The following CCDC18 variants were observed in gnomAD, a reference collection of about 807,000 sequenced individuals.
CCDC18 encodes the protein coiled-coil domain containing 18.
A neutral mutation model predicts 196.0 loss-of-function variants in CCDC18; 157 were observed. The observed-to-expected ratio is 0.80, with a 90% CI of 0.70 to 0.91. The LOEUF (loss-of-function observed/expected upper bound fraction) is 0.91, where lower values mean the gene tolerates loss of function less well. Ranked by LOEUF, CCDC18 falls within the 40% of genes least tolerant of loss-of-function variation. The pLI is 0.00. For synonymous variants in CCDC18, 482 were observed against 529.2 expected (o/e 0.91, Z 1.22); for missense variants, 1,465 against 1,611.6 (o/e 0.91, Z 1.56).
intron 14 of CCDC18, among the ~76,000 whole-genome samples, chr1:93,219,830 T>C (rs1657115389): frequency 6.6e-6 from 1 of 152,168 alleles, no homozygotes. Context: ...TGAATGTAGA[T>C]TAATAGATAT....
chr1:93,190,456 C>T (rs897673801), intron 4 of CCDC18, among the ~76,000 whole-genome samples: 53 of 152,170 alleles, frequency 3.5e-4, no homozygotes, highest in Non-Finnish European at 8.8e-5. Flanking sequence ...CACTGCACTC[C>T]AGCCTGGTGA....
chr1:93,234,341 T>A (rs1659711231), intron 18 of CCDC18, among the ~76,000 whole-genome samples: 1 of 152,042 alleles, frequency 6.6e-6, no homozygotes, highest in Non-Finnish European at 1.5e-5. Flanking sequence ...TTTGTTTTTT[T>A]AGTAGAGGCG....
intron 18 of CCDC18, among the ~76,000 whole-genome samples, chr1:93,235,167 G>T (rs1042342470): frequency 1.3e-5 from 2 of 151,708 alleles, no homozygotes; most frequent in African/African-American, 4.8e-5. Context: ...CTTCAGTGAG[G>T]GATTTTAGAA....
intron 21 of CCDC18, among the ~76,000 whole-genome samples, chr1:93,243,533 G>C (rs1406369701): frequency 6.6e-6 from 1 of 152,212 alleles, no homozygotes; most frequent in East Asian, 1.9e-4. Context: ...TTGTCTTGGG[G>C]ATTAACATTT....
At chr1:93,190,428 A>G (rs1651550975) in intron 4 of CCDC18, among the ~76,000 whole-genome samples, 1 of 152,218 alleles carries the variant, frequency 6.6e-6, no homozygotes, top group Non-Finnish European at 1.5e-5. Flanking sequence ...CGGAGGTTGC[A>G]GTGAGCCGAG....
intron 19 of CCDC18, among the ~76,000 whole-genome samples, chr1:93,236,846 TA>T (rs890878755): frequency 2.0e-5 from 3 of 152,106 alleles, no homozygotes; most frequent in Non-Finnish European, 4.4e-5. Flanking sequence ...CAAGAGCTTG[TA>T]AAAAAACATA....
intron 8 of CCDC18, among the ~76,000 whole-genome samples, chr1:93,206,439 GAT>G (rs1654712089): frequency 6.6e-6 from 1 of 152,018 alleles, no homozygotes; most frequent in African/African-American, 2.4e-5. Context: ...TTTGTAATTA[GAT>G]ATGATTTCTT....
Position 93,184,059 on chromosome 1 carries a change from C to A in CCDC18, c.216C>A (p.His72Gln). ...TAATTTTGGATGTTCAGCCTAGCCA[C>A]CCTGGACTTTTGAATTATTCACCTT... is the stretch of plus-strand genomic sequence containing the variant. ...EKLILDVQPS[H>Q]PGLLNYSPYE... The change falls in exon 3 of 29, where the codon CAC becomes CAA. Residue 72 changes from histidine to glutamine, a missense_variant. Coordinates refer to ENST00000690025, the MANE Select transcript of CCDC18 (RefSeq NM_001378204.1). The A allele has an allele frequency of 6.3e-7, 1 of 1,592,036 alleles. No individual in the cohort carries two copies. The highest frequency in any genetic ancestry group is 8.6e-7 in the Non-Finnish European group (1 of 1,166,144).
Position 93,221,686 on chromosome 1 carries a change from A to C in CCDC18, c.2040A>C (p.Ile680=), listed in dbSNP as rs376156714. 6.3e-7 allele frequency: 1 copy of C among 1,594,886 alleles called. No individual in the cohort carries two copies. Among genetic ancestry groups the C allele is most frequent in the African/African-American group, 1.4e-5 (1 of 73,646 alleles). ...CTATGTCCATGTTGCAACAAGATATAATATGCAAACAACATCATCTTGAAT... is the reference window on the plus strand; with the variant it reads ...CTATGTCCATGTTGCAACAAGATATCATATGCAAACAACATCATCTTGAAT... ...EKTMSMLQQD[I]ICKQHHLESL... Residue 680 remains isoleucine, a synonymous_variant, in exon 15 of 29, where the codon ATA becomes ATC. Transcript: ENST00000690025.
Position 93,261,113 on chromosome 1 carries a change from T to C in CCDC18, c.3684+2228T>C, listed in dbSNP as rs185497498. 2.7e-3 allele frequency among the ~76,000 whole-genome samples: 415 copies of C among 152,324 alleles called. 2 individuals carry two copies. The highest frequency in any genetic ancestry group is 5.8e-3 in the Admixed American group (89 of 15,300). On this transcript the variant is annotated intron_variant, in intron 26 of 28. Transcript: ENST00000690025. ...TGTGTCTTTATAGTAGAATGATTTA[T>C]AATCCTTTGGGTATATACCCAGTAA...
intron 17 of CCDC18, among the ~76,000 whole-genome samples, chr1:93,227,109 A>G (rs1181557623): frequency 1.3e-5 from 2 of 148,424 alleles, no homozygotes; most frequent in Non-Finnish European, 3.0e-5. Flanking sequence ...TGTCTGTAGG[A>G]TTGAGAATTA....
At chr1:93,182,264 C>T (rs1649848072) in intron 1 of CCDC18, among the ~76,000 whole-genome samples, 1 of 152,226 alleles carries the variant, frequency 6.6e-6, no homozygotes, top group South Asian at 2.1e-4. Flanking sequence ...TTCCTCCCTA[C>T]ATCTGAGAAT....
chr1:93,182,197 ATC>A (rs1230252647), intron 1 of CCDC18, among the ~76,000 whole-genome samples: 2 of 152,198 alleles, frequency 1.3e-5, no homozygotes, highest in African/African-American at 4.8e-5. Context: ...ATTACATAGT[ATC>A]TCATTTAATT....
chr1:93,195,210 A>C (rs1464780805), intron 6 of CCDC18, among the ~76,000 whole-genome samples: 1 of 152,176 alleles, frequency 6.6e-6, no homozygotes, highest in Non-Finnish European at 1.5e-5. Flanking sequence ...TAAGTGGGGG[A>C]CAGACACATT....
At chr1:93,217,385 A>C (rs974104410) in intron 13 of CCDC18, among the ~76,000 whole-genome samples, 11 of 152,204 alleles carry the variant, frequency 7.2e-5, no homozygotes, top group Non-Finnish European at 1.5e-4. Flanking sequence ...TGGTTCTTTA[A>C]AGAATGGAGT....
intron 27 of CCDC18, among the ~76,000 whole-genome samples, chr1:93,266,557 A>G (rs1391339602): frequency 6.6e-6 from 1 of 152,162 alleles, no homozygotes; most frequent in African/African-American, 2.4e-5. Context: ...CAAGACTAAT[A>G]AAGAAGAAAA....
chr1:93,263,807 T>C (rs925525114), intron 26 of CCDC18, among the ~76,000 whole-genome samples: 10 of 152,202 alleles, frequency 6.6e-5, no homozygotes, highest in Non-Finnish European at 1.0e-4. Context: ...ACCAGTTTTC[T>C]GTTATTAGTC....
intron 7 of CCDC18, among the ~76,000 whole-genome samples, chr1:93,205,029 C>T (rs959727473): frequency 1.3e-5 from 2 of 152,034 alleles, no homozygotes; most frequent in South Asian, 4.1e-4. Flanking sequence ...AAACAATGCT[C>T]AGCAAAGCCC....
chr1:93,208,779 G>T (rs767769218), intron 9 of CCDC18, among the ~76,000 whole-genome samples: 1 of 151,972 alleles, frequency 6.6e-6, no homozygotes, highest in African/African-American at 2.4e-5. Flanking sequence ...CGATTTTCCT[G>T]CCTTATCCTC....
Sources: gnomAD v4.1 joint callset for allele counts (sites outside exome capture counted in the v4.1 genomes callset) on GRCh38, gnomAD v4.1.1 for gene constraint, MANE v1.5 for transcripts, NCBI Gene and HGNC (gene_info 2026-07-23, HGNC 2026-07-21) for gene names.